The following RPH3A variants were observed in gnomAD, a reference collection of about 807,000 sequenced individuals.
RPH3A encodes the protein rabphilin-3A.
In RPH3A, 48 loss-of-function variants were observed where a neutral mutation model predicts 102.2. The ratio of observed to expected loss-of-function variants is 0.47; its 90% CI spans 0.37 to 0.60. The LOEUF is 0.60. RPH3A is among the 20% of genes least tolerant of loss of function. RPH3A has a pLI of 0.00. For missense variants in RPH3A, 781 were observed against 910.1 expected, an observed-to-expected ratio of 0.86 and a Z score of 1.83; for synonymous variants, 310 against 324.3, an observed-to-expected ratio of 0.96 and a Z score of 0.47.
chr12:112,705,046 C>T (rs1260523207), intron 1 of RPH3A, among the ~76,000 whole-genome samples: 1 of 152,150 alleles, frequency 6.6e-6, no homozygotes, highest in Middle Eastern at 3.2e-3. Flanking sequence ...TATGGAGGCT[C>T]TATGTGGTGA....
intron 1 of RPH3A, among the ~76,000 whole-genome samples, chr12:112,677,436 T>A (rs2040187026): frequency 1.8e-5 from 2 of 114,034 alleles, no homozygotes; most frequent in African/African-American, 7.2e-5. Context: ...CTTCCTTCCT[T>A]CCTTCCTTCC....
At chr12:112,729,485 A>G (rs1437905385) in intron 1 of RPH3A, among the ~76,000 whole-genome samples, 2 of 151,866 alleles carry the variant, frequency 1.3e-5, no homozygotes, top group Non-Finnish European at 2.9e-5. Context: ...TGCACTCGGC[A>G]TACAAAGGGA....
chr12:112,866,668 A>G, intron 6 of RPH3A, 89 bp from the exon 7 acceptor site: 1 of 1,043,672 alleles, frequency 9.6e-7, no homozygotes, highest in Non-Finnish European at 1.4e-6. Context: ...CTTCCTCTTT[A>G]CATCCACCAA....
At chr12:112,764,400 G>A (rs1291066110) in intron 1 of RPH3A, among the ~76,000 whole-genome samples, 1 of 152,192 alleles carries the variant, frequency 6.6e-6, no homozygotes, top group Non-Finnish European at 1.5e-5. Flanking sequence ...AACCTCACAG[G>A]TGTCAAACCT....
chr12:112,651,043 T>G (rs1422739605), intron 1 of RPH3A, among the ~76,000 whole-genome samples: 1 of 151,876 alleles, frequency 6.6e-6, no homozygotes, highest in Non-Finnish European at 1.5e-5. Context: ...ATTTAATTTT[T>G]AATACAACTG....
In RPH3A at chr12:112,581,798, C is replaced by CA. The variant is rs1428814382; in HGVS notation, c.-140+6480dup. On this transcript the variant is annotated intron_variant, in intron 1 of 21. Coordinates refer to the RPH3A transcript ENST00000543106. Reference sequence around the variant, plus strand: ...TGTGCTTGAACCAAAGCTGAACTGACACTGAAGACACACGGGTTCAGTCCC... The same window carrying CA: ...TGTGCTTGAACCAAAGCTGAACTGACAACTGAAGACACACGGGTTCAGTCCC... Among the ~76,000 whole-genome samples, 4 of 148,284 alleles carry CA rather than the reference C, an allele frequency of 2.7e-5. 1 individual carries two copies. The highest frequency in any genetic ancestry group is 6.0e-5 in the Non-Finnish European group (4 of 67,152).
intron 2 of RPH3A, among the ~76,000 whole-genome samples, chr12:112,794,271 G>T (rs893415058): frequency 6.6e-6 from 1 of 152,208 alleles, no homozygotes; most frequent in Admixed American, 6.5e-5. Context: ...TGTCTGGGTG[G>T]CCCTAAGTCC....
chr12:112,666,013 T>C (rs1053478359), intron 1 of RPH3A, among the ~76,000 whole-genome samples: 1 of 152,166 alleles, frequency 6.6e-6, no homozygotes, highest in African/African-American at 2.4e-5. Context: ...TGAATCTAAG[T>C]GAACTTAGGG....
At chr12:112,615,654 C>G (rs1324014540) in intron 1 of RPH3A, among the ~76,000 whole-genome samples, 2 of 152,132 alleles carry the variant, frequency 1.3e-5, no homozygotes, top group Non-Finnish European at 2.9e-5. Context: ...TGTACCTTGC[C>G]TTCTCTTTTT....
intron 1 of RPH3A, among the ~76,000 whole-genome samples, chr12:112,594,968 G>A (rs117845787): frequency 0.018 from 2,670 of 152,306 alleles, 30 homozygotes; most frequent in Non-Finnish European, 0.028. Context: ...GAGTTGCACA[G>A]CATAGTGGAA....
At position 112,795,583 on chromosome 12, in the gene RPH3A, C is replaced by T. The variant is rs542662845; in HGVS notation, c.-19+3320C>T. Among the ~76,000 whole-genome samples the T allele has an allele frequency of 8.1e-4, 124 of 152,288 alleles. 1 individual carries two copies. In the South Asian group the frequency reaches 0.024, roughly 29 times the overall value. On this transcript the variant is annotated intron_variant, in intron 2 of 21. Transcript: ENST00000389385. ...TCAGATCTTAGTTCTAATTTTGACT[C>T]TGGCATTTCCTTGCTGTGTGACTTC... is the stretch of plus-strand genomic sequence containing the variant.
intron 1 of RPH3A, among the ~76,000 whole-genome samples, chr12:112,756,029 G>A (rs952466018): frequency 2.6e-5 from 4 of 152,200 alleles, no homozygotes; most frequent in East Asian, 1.9e-4. Flanking sequence ...AAATAAGTGC[G>A]AAGAAATATG....
At chr12:112,582,170 G>C (rs1209674346) in intron 1 of RPH3A, among the ~76,000 whole-genome samples, 1 of 147,362 alleles carries the variant, frequency 6.8e-6, no homozygotes, top group Non-Finnish European at 1.5e-5. Flanking sequence ...TTTATATTGT[G>C]CATGACAGTT....
At chr12:112,645,079 T>A (rs1160166106) in intron 1 of RPH3A, among the ~76,000 whole-genome samples, 3 of 152,188 alleles carry the variant, frequency 2.0e-5, no homozygotes, top group African/African-American at 7.2e-5. Context: ...AGATATAAGC[T>A]GGTGAGTTCT....
intron 1 of RPH3A, among the ~76,000 whole-genome samples, chr12:112,708,484 C>T (rs2040439736): frequency 6.6e-6 from 1 of 152,288 alleles, no homozygotes; most frequent in Admixed American, 6.5e-5. Flanking sequence ...GATCAAGCAG[C>T]AAGTGTTCGT....
chr12:112,879,437 T>TG, intron 14 of RPH3A, among the ~76,000 whole-genome samples: 1 of 152,342 alleles, frequency 6.6e-6, no homozygotes, highest in South Asian at 2.1e-4. Flanking sequence ...TACATGCAGC[T>TG]GGGCTTCAAG....
intron 1 of RPH3A, among the ~76,000 whole-genome samples, chr12:112,621,554 C>T (rs1361429554): frequency 6.1e-5 from 9 of 146,874 alleles, no homozygotes; most frequent in Non-Finnish European, 1.3e-4. Context: ...CTCGGAGGGT[C>T]CTACGCCCAC....
intron 1 of RPH3A, among the ~76,000 whole-genome samples, chr12:112,746,676 G>A (rs575431272): frequency 1.3e-5 from 2 of 152,306 alleles, no homozygotes; most frequent in South Asian, 2.1e-4. Context: ...TGTAGCATCA[G>A]AGGAAGGTGG....
At chr12:112,627,241 GC>G (rs1263657003) in intron 1 of RPH3A, among the ~76,000 whole-genome samples, 2 of 151,250 alleles carry the variant, frequency 1.3e-5, no homozygotes, top group Non-Finnish European at 2.9e-5. Context: ...TTTGTATTAT[GC>G]ACTATACATT....
Sources: allele counts gnomAD v4.1 joint callset (sites outside exome capture counted in the v4.1 genomes callset), GRCh38; gene constraint gnomAD v4.1.1; transcripts MANE v1.5; gene names NCBI Gene and HGNC (gene_info 2026-07-23, HGNC 2026-07-21).